The following NRXN3 variants were observed in gnomAD, a reference collection of about 807,000 sequenced individuals.
NRXN3 encodes neurexin III.
In NRXN3, 32 loss-of-function variants were observed where a neutral mutation model predicts 137.6. That is an observed-to-expected ratio of 0.23 (90% confidence interval 0.18 to 0.31). NRXN3 has a LOEUF of 0.31. Ranked by LOEUF, NRXN3 falls within the 10% of genes least tolerant of loss-of-function variation. The pLI is 1.00. For synonymous variants in NRXN3, 798 were observed against 784.5 expected (o/e 1.02, Z -0.29); for missense variants, 1,574 against 2,062.5 (o/e 0.76, Z 4.59).
At chr14:79,198,426 G>C (rs941569067) in intron 15 of NRXN3, among the ~76,000 whole-genome samples, 32 of 152,152 alleles carry the variant, frequency 2.1e-4, no homozygotes, top group African/African-American at 7.5e-4. Flanking sequence ...TTAAAAACCA[G>C]TTTGTTTATA....
chr14:79,227,191 C>T (rs2071080760), intron 15 of NRXN3, among the ~76,000 whole-genome samples: 1 of 152,088 alleles, frequency 6.6e-6, no homozygotes, highest in Non-Finnish European at 1.5e-5. Flanking sequence ...TTACGTAACA[C>T]TTATCATTGA....
At chr14:78,408,472 T>G (rs1474400854) in intron 4 of NRXN3, among the ~76,000 whole-genome samples, 1 of 152,242 alleles carries the variant, frequency 6.6e-6, no homozygotes, top group Non-Finnish European at 1.5e-5. Context: ...ATGCTTGCTT[T>G]CTTTGGTGGT....
chr14:79,605,797 C>T (rs1187952470), intron 16 of NRXN3, among the ~76,000 whole-genome samples: 1 of 152,110 alleles, frequency 6.6e-6, no homozygotes, highest in Non-Finnish European at 1.5e-5. Context: ...GCCGATACTG[C>T]AGTTTTGATG....
rs17108230 is a variant in NRXN3 at position 78,767,663 on chromosome 14, G to C, written c.2045-35957G>C. Among the ~76,000 whole-genome samples the C allele has an allele frequency of 5.6e-3, 855 of 152,238 alleles. 7 individuals carry two copies. Among genetic ancestry groups the C allele is most frequent in the East Asian group, 0.032 (167 of 5,180 alleles). ...ATGAGCTGTTTCCCCATCCCTTACTGGTGTAGACAAAAATAACTGATACAG... is the reference window on the plus strand; with the variant it reads ...ATGAGCTGTTTCCCCATCCCTTACTCGTGTAGACAAAAATAACTGATACAG... On this transcript the variant is annotated intron_variant, in intron 8 of 20. Transcript: ENST00000335750.
chr14:79,155,073 T>A (rs1042168594), intron 15 of NRXN3, among the ~76,000 whole-genome samples: 2 of 151,882 alleles, frequency 1.3e-5, no homozygotes, highest in Non-Finnish European at 2.9e-5. Flanking sequence ...ACTACTGGAC[T>A]TTTTCCTCCC....
At chr14:79,564,966 C>G (rs879699957) in intron 16 of NRXN3, among the ~76,000 whole-genome samples, 3 of 152,058 alleles carry the variant, frequency 2.0e-5, no homozygotes, top group Non-Finnish European at 4.4e-5. Context: ...AATAAAATCA[C>G]AGCAAGCTTA....
At chr14:79,201,964 T>C (rs1207153070) in intron 15 of NRXN3, among the ~76,000 whole-genome samples, 2 of 152,188 alleles carry the variant, frequency 1.3e-5, no homozygotes, top group African/African-American at 2.4e-5. Context: ...TAGTAAGCCA[T>C]AGAGTTAGGA....
rs554988332 is a variant in NRXN3 at position 78,321,631 on chromosome 14, C to T, written c.757+23771C>T. Among the ~76,000 whole-genome samples, 191 of 152,154 alleles carry T rather than the reference C, an allele frequency of 1.3e-3. 3 individuals are homozygous for T. Among genetic ancestry groups the T allele is most frequent in the African/African-American group, 4.4e-3 (182 of 41,434 alleles). ...TGTTGAAAGCAACTGGTGCTTTGTA[C>T]ATTTCTGTCTTCAGTCATCAAGGTG... On this transcript the variant is annotated intron_variant, in intron 4 of 20. Transcript: ENST00000335750.
At chr14:79,052,065 A>G (rs963101691) in intron 15 of NRXN3, among the ~76,000 whole-genome samples, 1 of 152,214 alleles carries the variant, frequency 6.6e-6, no homozygotes, top group African/African-American at 2.4e-5. Context: ...ACATTTCATA[A>G]GACAGCATGA....
At chr14:78,433,366 T>C (rs891615438) in intron 4 of NRXN3, among the ~76,000 whole-genome samples, 1 of 152,154 alleles carries the variant, frequency 6.6e-6, no homozygotes, top group African/African-American at 2.4e-5. Context: ...GCTCATGTGA[T>C]TCTATTGGGC....
At chr14:79,616,747 A>G (rs145966150) in intron 16 of NRXN3, among the ~76,000 whole-genome samples, 6 of 152,296 alleles carry the variant, frequency 3.9e-5, no homozygotes, top group African/African-American at 9.6e-5. Flanking sequence ...CATGGGTTCA[A>G]TGGGGATCTG....
At chr14:79,216,714 A>C (rs564443189) in intron 15 of NRXN3, among the ~76,000 whole-genome samples, 45 of 152,294 alleles carry the variant, frequency 3.0e-4, no homozygotes, top group Admixed American at 1.7e-3. Context: ...TATGGCAACC[A>C]ATCAATATTA....
intron 4 of NRXN3, among the ~76,000 whole-genome samples, chr14:78,498,086 G>A (rs556249604): frequency 6.6e-6 from 1 of 152,132 alleles, no homozygotes; most frequent in South Asian, 2.1e-4. Flanking sequence ...GGAGGCTGTA[G>A]GTGTGTCTCT....
At chr14:78,813,020 A>G (rs1181331068) in intron 10 of NRXN3, among the ~76,000 whole-genome samples, 1 of 26,688 alleles carries the variant, frequency 3.7e-5, no homozygotes, top group Non-Finnish European at 6.9e-5. Flanking sequence ...CACAAAGTAA[A>G]TATAATACAT....
chr14:79,666,470 C>T (rs756346391), intron 17 of NRXN3, among the ~76,000 whole-genome samples: 3 of 151,990 alleles, frequency 2.0e-5, no homozygotes, highest in Admixed American at 1.3e-4. Flanking sequence ...AGATGAAATA[C>T]CCTATCAATT....
intron 15 of NRXN3, among the ~76,000 whole-genome samples, chr14:79,431,348 A>G (rs1373581071): frequency 6.6e-6 from 1 of 152,170 alleles, no homozygotes; most frequent in Non-Finnish European, 1.5e-5. Flanking sequence ...ATGATTCTAC[A>G]ATTAGTGTTT....
chr14:78,965,120 C>T (rs1223007752), intron 11 of NRXN3, among the ~76,000 whole-genome samples: 2 of 152,132 alleles, frequency 1.3e-5, no homozygotes, highest in African/African-American at 4.8e-5. Flanking sequence ...CTTCTTACCC[C>T]TCCAGCAGTC....
chr14:78,883,772 A>T (rs183639511), intron 10 of NRXN3, among the ~76,000 whole-genome samples: 40 of 152,350 alleles, frequency 2.6e-4, no homozygotes, highest in African/African-American at 8.9e-4. Flanking sequence ...AGCTTACTCC[A>T]GCCCAGGTTT....
intron 17 of NRXN3, among the ~76,000 whole-genome samples, chr14:79,690,242 C>T (rs560427773): frequency 7.2e-5 from 11 of 152,044 alleles, no homozygotes; most frequent in East Asian, 1.9e-4. Flanking sequence ...TCTATGAAAA[C>T]GTCTAAAAAG....
Sources: allele counts gnomAD v4.1 joint callset (sites outside exome capture counted in the v4.1 genomes callset), GRCh38; gene constraint gnomAD v4.1.1; transcripts MANE v1.5; gene names NCBI Gene and HGNC (gene_info 2026-07-23, HGNC 2026-07-21).